Variants in LACTB observed in about 807,000 individuals in gnomAD.
The protein encoded by LACTB is serine beta-lactamase-like protein LACTB, mitochondrial.
Under a neutral mutation model 50.2 loss-of-function variants are expected in LACTB, and 35 were observed. That is an observed-to-expected ratio of 0.70 (90% confidence interval 0.53 to 0.92). The LOEUF (loss-of-function observed/expected upper bound fraction) is 0.92. Ranked by LOEUF, LACTB falls within the 40% of genes least tolerant of loss-of-function variation. LACTB has a pLI of 0.00. For missense variants in LACTB, 664 were observed against 691.8 expected (o/e 0.96, Z 0.45); for synonymous variants, 252 against 268.2 (o/e 0.94, Z 0.59).
intron 5 of LACTB, chr15:63,130,387 T>C (rs1353878879): frequency 6.6e-6 from 1 of 152,174 alleles, no homozygotes; most frequent in Admixed American, 6.6e-5. Context: ...CGGGTGCCTA[T>C]AATCCCAGCC....
chr15:63,131,322 T>C (rs1257313311), intron 5 of LACTB: 1 of 152,222 alleles, frequency 6.6e-6, no homozygotes, highest in African/African-American at 2.4e-5. Flanking sequence ...TTCTCTCTTA[T>C]TTATTTATTC....
intron 5 of LACTB, among the ~76,000 whole-genome samples, chr15:63,139,130 C>A (rs554933306): frequency 2.0e-4 from 30 of 149,020 alleles, no homozygotes; most frequent in Non-Finnish European, 3.5e-4. Context: ...AGGCAGATCA[C>A]CTGAGTTCGG....
chr15:63,136,426 G>C (rs2037177877), intron 5 of LACTB, among the ~76,000 whole-genome samples: 1 of 151,580 alleles, frequency 6.6e-6, no homozygotes, highest in Non-Finnish European at 1.5e-5. Flanking sequence ...TGGTTTTTTT[G>C]TTTTGTCTTG....
rs749030611 is a variant in LACTB at position 63,141,288 on chromosome 15, T to A, written c.1127T>A (p.Val376Asp). 3.1e-6 allele frequency: 5 copies of A among 1,587,842 alleles called. No individual in the cohort carries two copies. The highest frequency in any genetic ancestry group is 3.7e-5 in the Admixed American group (2 of 54,360). ...TTCTTATTTCCTTTTAGATTTTATG[T>A]TTACAATAAAAAGAAACGTCTTGTC... ...PVIYNRARFYVYNKKKRLVNT... is the reference protein window; with the variant it reads ...PVIYNRARFYDYNKKKRLVNT... Residue 376 changes from valine (V) to aspartate (D), a missense_variant, in exon 6 of 6, where the codon GTT (valine) becomes GAT (aspartate). Coordinates refer to ENST00000261893, the MANE Select transcript of LACTB (RefSeq NM_032857.5).
At chr15:63,135,494 G>T (rs766386200) in intron 5 of LACTB, among the ~76,000 whole-genome samples, 1 of 152,174 alleles carries the variant, frequency 6.6e-6, no homozygotes, top group South Asian at 2.1e-4. Flanking sequence ...GGCCAAGAGG[G>T]GTGGATTGCT....
chr15:63,123,447 A>G (rs140947772), intron 2 of LACTB, among the ~76,000 whole-genome samples: 1,922 of 152,340 alleles, frequency 0.013, 34 homozygotes, highest in African/African-American at 0.043. Flanking sequence ...CCAGCCCCAC[A>G]GGGTCGGTGG....
rs540711962 is a variant in LACTB at position 63,127,901 on chromosome 15, A to C, written c.952+212A>C. On this transcript the variant is annotated intron_variant, in intron 4 of 5. Coordinates refer to ENST00000261893, the MANE Select transcript of LACTB (RefSeq NM_032857.5). Reference sequence around the variant, plus strand: ...TTGCCTCATTGGAGACTACCCAGTCATTTAGAGGATTCTCAGTATCAAGAT... The same window carrying C: ...TTGCCTCATTGGAGACTACCCAGTCCTTTAGAGGATTCTCAGTATCAAGAT... Among the ~76,000 whole-genome samples the C allele has an allele frequency of 2.0e-4, 30 of 152,380 alleles. 1 individual carries two copies. The East Asian group carries it at 5.8e-3, about 29-fold the overall frequency.
intron 1 of LACTB, 142 bp from the exon 2 acceptor site, chr15:63,122,494 T>C (rs1464540399): frequency 1.5e-5 from 12 of 776,190 alleles, no homozygotes; most frequent in Non-Finnish European, 2.0e-5. Context: ...TGAGTGACCA[T>C]GGCCTGGGAC....
At chr15:63,126,770 A>T in intron 2 of LACTB, 89 bp from the exon 3 acceptor site, 1 of 683,678 alleles carries the variant, frequency 1.5e-6, no homozygotes, top group African/African-American at 1.8e-5. Context: ...TAAACACAGC[A>T]TGTTTAAAGA....
Position 63,141,554 on chromosome 15 carries a change from G to T in LACTB, c.1393G>T (p.Gly465Cys), listed in dbSNP as rs1416066398. ...DKEGKYAMAW[G>C]VVERKQTYGS... The stretch of plus-strand genomic sequence containing the variant: ...AGAGGGTAAATATGCAATGGCGTGG[G>T]GTGTTGTGGAAAGGAAACAAACGTA... Residue 465 changes from glycine (G) to cysteine (C), a missense_variant, in exon 6 of 6, where the codon GGT becomes TGT. By Grantham distance (159) the Gly-to-Cys change is radical. Transcript: ENST00000261893. The T allele has an allele frequency of 6.2e-7, 1 of 1,614,196 alleles. No homozygotes were observed.
At position 63,122,218 on chromosome 15, in the gene LACTB, A is replaced by T. The variant is rs748838431; in HGVS notation, c.347A>T (p.His116Leu). Residue 116 changes from histidine to leucine, a missense_variant, in exon 1 of 6, where the codon CAC (histidine) becomes CTC (leucine). By Grantham distance (99) the His-to-Leu change is moderately conservative (BLOSUM62 -3). Transcript: ENST00000261893. Reference protein sequence around the residue: ...RAIESSRDLLHRIKDEVGAPG... With the variant: ...RAIESSRDLLLRIKDEVGAPG... ...ATCGAGAGCAGCCGCGACCTGCTGC[A>T]CAGGATCAAGGTGCGGCCACTGGAG... 23 of 1,560,580 alleles carry T rather than the reference A, an allele frequency of 1.5e-5. No individual in the cohort carries two copies. Among genetic ancestry groups the T allele is most frequent in the Non-Finnish European group, 2.0e-5 (23 of 1,163,198 alleles).
intron 5 of LACTB, among the ~76,000 whole-genome samples, chr15:63,139,677 G>C (rs1566994031): frequency 1.3e-5 from 2 of 149,564 alleles, no homozygotes; most frequent in African/African-American, 4.9e-5. Context: ...TAAATATACA[G>C]AAAAAAATTA....
intron 1 of LACTB, among the ~76,000 whole-genome samples, 165 bp downstream of exon 1, chr15:63,122,393 G>A (rs985507528): frequency 5.3e-5 from 8 of 152,218 alleles, no homozygotes; most frequent in Admixed American, 1.3e-4. Flanking sequence ...GACGCTCTTG[G>A]GGGTTCCCCA....
Position 63,127,473 on chromosome 15 carries a change from G to T in LACTB, c.736G>T (p.Val246Phe), listed in dbSNP as rs2037068035. ...AGCCTTGAAGATGATGAAAGAGAAT[G>T]TTGCATTTGAGCAAGAAAAAGAAGG... is the stretch of plus-strand genomic sequence containing the variant. ...YKALKMMKEN[V>F]AFEQEKEGKS... Residue 246 changes from valine to phenylalanine, a missense_variant, in exon 4 of 6, where the codon GTT becomes TTT. By Grantham distance (50) the Val-to-Phe change is conservative (BLOSUM62 -1). Transcript: ENST00000261893. The T allele has an allele frequency of 6.2e-7, 1 of 1,612,972 alleles. No individual in the cohort carries two copies. The highest frequency in any genetic ancestry group is 1.3e-5 in the African/African-American group (1 of 74,864).
intron 1 of LACTB, 83 bp from the exon 2 acceptor site, chr15:63,122,553 C>A: frequency 9.2e-7 from 1 of 1,092,128 alleles, no homozygotes; most frequent in Non-Finnish European, 1.4e-6. Flanking sequence ...GCTCAGGGGG[C>A]GGGGCCTTGG....
intron 2 of LACTB, among the ~76,000 whole-genome samples, chr15:63,125,255 C>T (rs1163731323): frequency 2.0e-5 from 3 of 151,850 alleles, no homozygotes; most frequent in Admixed American, 1.3e-4. Context: ...ACAACCTCCA[C>T]CTCCCAGGTT....
chr15:63,138,331 C>T (rs2037194281), intron 5 of LACTB, among the ~76,000 whole-genome samples: 1 of 152,058 alleles, frequency 6.6e-6, no homozygotes, highest in Non-Finnish European at 1.5e-5. Flanking sequence ...TTTTTAGTTT[C>T]TAAGTTTGTA....
At chr15:63,135,333 AAAAT>A (rs775386364) in intron 5 of LACTB, among the ~76,000 whole-genome samples, 1 of 152,264 alleles carries the variant, frequency 6.6e-6, no homozygotes, top group Non-Finnish European at 1.5e-5. Context: ...TTGGGGACCC[AAAAT>A]AAATTAGATT....
intron 5 of LACTB, among the ~76,000 whole-genome samples, chr15:63,133,187 A>G (rs2037148535): frequency 6.6e-6 from 1 of 152,232 alleles, no homozygotes; most frequent in Non-Finnish European, 1.5e-5. Context: ...ATAATTTCAT[A>G]TTTGATTCAT....
Sources: allele counts gnomAD v4.1 joint callset (sites outside exome capture counted in the v4.1 genomes callset), GRCh38; gene constraint gnomAD v4.1.1; transcripts MANE v1.5; gene names NCBI Gene and HGNC (gene_info 2026-07-23, HGNC 2026-07-21).